Variants in PDE8A observed in about 807,000 individuals in gnomAD.
PDE8A encodes the protein high affinity cAMP-specific and IBMX-insensitive 3',5'-cyclic phosphodiesterase 8A.
A neutral mutation model predicts 105.0 loss-of-function variants in PDE8A; 59 were observed. That is an observed-to-expected ratio of 0.56 (90% CI 0.46 to 0.70). PDE8A has a LOEUF of 0.70. Ranked by LOEUF, PDE8A falls within the 30% of genes least tolerant of loss-of-function variation. The probability of loss-of-function intolerance (pLI) is 0.00; values close to 1 mark genes in which losing one functional copy is unlikely to be tolerated. For missense variants in PDE8A, 1,014 were observed against 1,045.9 expected (o/e 0.97, Z 0.42); for synonymous variants, 355 against 371.9 (o/e 0.95, Z 0.52).
chr15:85,043,976 C>T (rs774933351), intron 1 of PDE8A, among the ~76,000 whole-genome samples: 3 of 152,098 alleles, frequency 2.0e-5, no homozygotes, highest in Non-Finnish European at 4.4e-5. Flanking sequence ...GGATTACAGG[C>T]GTGAGGCACC....
intron 1 of PDE8A, among the ~76,000 whole-genome samples, chr15:84,983,115 G>A (rs912513109): frequency 3.3e-5 from 5 of 152,094 alleles, no homozygotes; most frequent in African/African-American, 1.2e-4. Context: ...AAGTTTCTGG[G>A]CTTAGTCTTT....
chr15:85,111,890 A>T (rs1012871548), intron 12 of PDE8A, among the ~76,000 whole-genome samples: 1 of 152,242 alleles, frequency 6.6e-6, no homozygotes, highest in Non-Finnish European at 1.5e-5. Context: ...TAGAAATCAT[A>T]CAAATCTTTA....
chr15:85,065,399 G>T (rs971234247), intron 2 of PDE8A, among the ~76,000 whole-genome samples: 23 of 150,682 alleles, frequency 1.5e-4, no homozygotes, highest in African/African-American at 5.6e-4. Flanking sequence ...GAGTTAGTGG[G>T]TGCAGCGCAC....
intron 1 of PDE8A, among the ~76,000 whole-genome samples, chr15:85,008,166 G>A (rs1254377344): frequency 6.6e-6 from 1 of 151,792 alleles, no homozygotes; most frequent in African/African-American, 2.4e-5. Context: ...CCTCTAATAG[G>A]GAGTGGTCTG....
At chr15:85,012,449 C>CA (rs1169594006) in intron 1 of PDE8A, among the ~76,000 whole-genome samples, 2 of 145,028 alleles carry the variant, frequency 1.4e-5, no homozygotes, top group Admixed American at 7.2e-5. Context: ...ATCACAAGGA[C>CA]AAAAAACCAA....
intron 1 of PDE8A, among the ~76,000 whole-genome samples, chr15:85,056,941 T>C (rs958920009): frequency 6.6e-6 from 1 of 152,240 alleles, no homozygotes; most frequent in African/African-American, 2.4e-5. Flanking sequence ...CTCCCCATCT[T>C]TGTGGTTTTA....
chr15:85,067,059 T>A lies in PDE8A; in HGVS notation c.289T>A (p.Cys97Ser). 6.2e-7 allele frequency: 1 copy of A among 1,613,908 alleles called. No homozygotes were observed. Among genetic ancestry groups the A allele is most frequent in the Non-Finnish European group, 8.5e-7 (1 of 1,179,788 alleles). The change falls in exon 3 of 22, where the codon TGC (cysteine) becomes AGC (serine). Residue 97 changes from cysteine (C) to serine (S), a missense_variant. Coordinates refer to ENST00000394553, the MANE Select transcript of PDE8A (RefSeq NM_002605.3). ...AGAAGATAACCAATGTAATGGATTC[T>A]GCAGGGCATGTGAAAAAGCAGGGTT... ...TKEDNQCNGF[C>S]RACEKAGFKC...
intron 1 of PDE8A, chr15:85,063,000 A>G (rs902226433): frequency 1.3e-5 from 2 of 152,218 alleles, no homozygotes; most frequent in Admixed American, 1.3e-4. Context: ...ACAACTCAAG[A>G]GAATAGGTAA....
At position 85,064,355 on chromosome 15, in the gene PDE8A, A is replaced by G. The variant is rs150857058; in HGVS notation, c.187-15A>G. On this transcript the variant is annotated splice_polypyrimidine_tract_variant and intron_variant, in intron 1 of 21. Transcript: ENST00000394553. ...CCGTTGTCTTTTCATTTTTAAGCCA[A>G]TCTCTTTCTTACAGGTAGCAGTAGC... is the stretch of plus-strand genomic sequence containing the variant. 18,976 of 1,593,054 alleles carry G rather than the reference A, an allele frequency of 0.012. 177 individuals carry two copies. The highest frequency in any genetic ancestry group is 0.028 in the South Asian group (2,472 of 89,290).
intron 1 of PDE8A, among the ~76,000 whole-genome samples, chr15:85,034,820 G>A (rs1282492959): frequency 1.3e-5 from 2 of 152,034 alleles, no homozygotes; most frequent in Admixed American, 1.3e-4. Flanking sequence ...CAAAGTGTTG[G>A]GATTACAGGC....
intron 6 of PDE8A, among the ~76,000 whole-genome samples, chr15:85,086,774 AGAG>A (rs2081559711): frequency 6.6e-6 from 1 of 151,976 alleles, no homozygotes; most frequent in African/African-American, 2.4e-5. Flanking sequence ...TTTTTGAGAT[AGAG>A]TCTCACTCCG....
chr15:85,046,303 C>A (rs1355516522), intron 1 of PDE8A, among the ~76,000 whole-genome samples: 2 of 152,122 alleles, frequency 1.3e-5, no homozygotes, highest in Non-Finnish European at 2.9e-5. Context: ...CCCGCCTCGG[C>A]CTCCCAAAGT....
At chr15:85,002,915 T>C (rs546736741) in intron 1 of PDE8A, among the ~76,000 whole-genome samples, 1 of 152,226 alleles carries the variant, frequency 6.6e-6, no homozygotes, top group South Asian at 2.1e-4. Flanking sequence ...AAAGATAAGC[T>C]ATGAGTGAGG....
Position 85,138,669 on chromosome 15 carries a change from G to T in PDE8A, c.*766G>T, listed in dbSNP as rs1371048072. The stretch of plus-strand genomic sequence containing the variant: ...TTGAGGCTAACTGGAAAAAGCTGGG[G>T]TCGTATTCTAAGTGCTAAAGAAGGC... On this transcript the variant is annotated 3_prime_UTR_variant, in exon 22 of 22. Coordinates refer to ENST00000394553, the MANE Select transcript of PDE8A (RefSeq NM_002605.3). 6.6e-6 allele frequency: 1 copy of T among 152,256 alleles called. No homozygotes were observed. Among genetic ancestry groups the T allele is most frequent in the Non-Finnish European group, 1.5e-5 (1 of 68,050 alleles). 9.4% of individuals were successfully genotyped at this position (152,256 alleles called of 1,614,324 possible).
chr15:85,049,828 A>G (rs1174444120), intron 1 of PDE8A, among the ~76,000 whole-genome samples: 1 of 152,226 alleles, frequency 6.6e-6, no homozygotes. Flanking sequence ...ACTGCTTTTT[A>G]TTCTTTTGAA....
chr15:85,001,314 G>A (rs2080063600), intron 1 of PDE8A, among the ~76,000 whole-genome samples: 1 of 152,106 alleles, frequency 6.6e-6, no homozygotes, highest in Non-Finnish European at 1.5e-5. Flanking sequence ...ACTGTTAAAA[G>A]ATTTTATGTC....
chr15:85,011,002 A>G (rs1376726719), intron 1 of PDE8A, among the ~76,000 whole-genome samples: 1 of 152,190 alleles, frequency 6.6e-6, no homozygotes, highest in Non-Finnish European at 1.5e-5. Context: ...CCTGGAAGTT[A>G]GTTTCAGAGT....
intron 1 of PDE8A, among the ~76,000 whole-genome samples, chr15:85,016,442 C>T (rs968459788): frequency 7.2e-5 from 11 of 152,116 alleles, no homozygotes; most frequent in Non-Finnish European, 1.0e-4. Context: ...TGTTCATTCC[C>T]CCACACTAAT....
intron 1 of PDE8A, among the ~76,000 whole-genome samples, chr15:84,984,857 TCA>T (rs1241790592): frequency 2.0e-5 from 3 of 152,070 alleles, no homozygotes; most frequent in Non-Finnish European, 4.4e-5. Flanking sequence ...ATGGAGCATT[TCA>T]GAGTTTGGAT....
Sources: allele counts gnomAD v4.1 joint callset (sites outside exome capture counted in the v4.1 genomes callset), GRCh38; gene constraint gnomAD v4.1.1; transcripts MANE v1.5; gene names NCBI Gene and HGNC (gene_info 2026-07-23, HGNC 2026-07-21).